The following COL12A1 variants were observed in gnomAD, a reference collection of about 807,000 sequenced individuals.
COL12A1 encodes collagen type XII alpha 1 chain, also known as collagen alpha-1(XII) chain.
Under a neutral mutation model 349.7 loss-of-function variants are expected in COL12A1, and 114 were observed. The observed-to-expected ratio is 0.33, with a 90% CI of 0.28 to 0.38. The LOEUF (loss-of-function observed/expected upper bound fraction) is 0.38, where lower values mean the gene tolerates loss of function less well. Among genes scored for constraint, COL12A1 ranks in the 10% least tolerant of loss-of-function variants. COL12A1 has a pLI of 1.00. For missense variants in COL12A1, 3,284 were observed against 3,756.9 expected, an observed-to-expected ratio of 0.87 and a Z score of 3.29; for synonymous variants, 1,369 against 1,329.0, an observed-to-expected ratio of 1.03 and a Z score of -0.66.
At chr6:75,088,739 A>G (rs546320022) in intron 64 of COL12A1, among the ~76,000 whole-genome samples, 58 of 152,098 alleles carry the variant, frequency 3.8e-4, no homozygotes, top group African/African-American at 1.2e-3. Flanking sequence ...GCGGTGGCTC[A>G]CTTCTGTAAT....
chr6:75,151,157 G>C lies in COL12A1; in HGVS notation c.4131C>G (p.Asn1377Lys), dbSNP rs757142035. Reference protein sequence around the residue: ...IVDDLTINLCNSVKGPGDLEA... With the variant: ...IVDDLTINLCKSVKGPGDLEA... ...TAAACTTACCTGGACCTTTGACACT[G>C]TTACACAAATTAATGGTGAGATCAT... Residue 1377 changes from asparagine to lysine, a missense_variant, in exon 21 of 66, where the codon AAC becomes AAG. Transcript: ENST00000322507. 2 of 1,595,298 alleles carry C rather than the reference G, an allele frequency of 1.3e-6. No homozygotes were observed. The highest frequency in any genetic ancestry group is 1.4e-5 in the African/African-American group (1 of 72,820).
At chr6:75,151,057 T>TGGGG in intron 21 of COL12A1, 84 bp downstream of exon 21, 1 of 426,060 alleles carries the variant, frequency 2.3e-6, no homozygotes, top group Non-Finnish European at 4.5e-6. Context: ...CACAAAATAG[T>TGGGG]GCCCTCCCCC....
At chr6:75,138,019 G>A (rs538104837) in intron 30 of COL12A1, among the ~76,000 whole-genome samples, 2 of 152,058 alleles carry the variant, frequency 1.3e-5, no homozygotes, top group South Asian at 2.1e-4. Flanking sequence ...ACCCAGAAAC[G>A]AATTGAATAG....
Position 75,156,433 on chromosome 6 carries a change from T to C in COL12A1, c.3074A>G (p.Asn1025Ser), listed in dbSNP as rs1767770461. ...ATGAGGGCGATAGACAACACGGTAG[T>C]TGACGACTTTCCCTGGTGCTGGTTT... ...TWKPAPGKVV[N>S]YRVVYRPHGR... The change falls in exon 15 of 66, where the codon AAC becomes AGC. Residue 1025 changes from asparagine (N) to serine (S), a missense_variant. Asn to Ser is a conservative substitution (Grantham distance 46, BLOSUM62 1). This residue lies in a region of COL12A1 where 2,601 missense variants were observed against 2,824.8 expected (regional missense o/e 0.92). Transcript: ENST00000322507. The C allele has an allele frequency of 6.2e-7, 1 of 1,613,888 alleles. No homozygotes were observed. The highest frequency in any genetic ancestry group is 1.3e-5 in the African/African-American group (1 of 74,940).
chr6:75,143,211 GA>G, intron 26 of COL12A1, 40 bp downstream of exon 26: 1 of 1,608,796 alleles, frequency 6.2e-7, no homozygotes, highest in Non-Finnish European at 8.5e-7. Flanking sequence ...AACCTACTAG[GA>G]AAACAAATAT....
chr6:75,161,532 C>T (rs1431364338), intron 14 of COL12A1, among the ~76,000 whole-genome samples: 2 of 151,734 alleles, frequency 1.3e-5, no homozygotes, highest in East Asian at 1.9e-4. Context: ...CAAAAGAGGC[C>T]TCCCACAGCC....
chr6:75,109,155 C>T lies in COL12A1; in HGVS notation c.7963G>A (p.Val2655Met). ...TAAATCTTAACACTTTTTGAGGTCA[C>T]TACAATATGAACCTAAAAAGATAAT... ...YGSFHKVHIV[V>M]TSKSVKIYID... Residue 2655 changes from valine to methionine, a missense_variant, in exon 52 of 66, where the codon GTG becomes ATG. Around this residue, in one of 2 missense-constraint regions of COL12A1, gnomAD observed 683 missense variants for 932.1 expected, o/e 0.73. Transcript: ENST00000322507. The T allele has an allele frequency of 1.3e-6, 2 of 1,575,618 alleles. No individual in the cohort carries two copies. The highest frequency in any genetic ancestry group is 8.6e-7 in the Non-Finnish European group (1 of 1,160,456).
intron 13 of COL12A1, among the ~76,000 whole-genome samples, chr6:75,171,226 A>G (rs1299751414): frequency 6.6e-6 from 1 of 152,206 alleles, no homozygotes; most frequent in African/African-American, 2.4e-5. Context: ...GAAAAAAACA[A>G]TGTAAATCAA....
intron 15 of COL12A1, 38 bp downstream of exon 15, chr6:75,156,219 C>T: frequency 7.2e-7 from 1 of 1,389,508 alleles, no homozygotes; most frequent in Non-Finnish European, 1.0e-6. Flanking sequence ...TAAAACATTA[C>T]CTTCTCTCCC....
chr6:75,134,445 C>T (rs564614297), intron 32 of COL12A1, among the ~76,000 whole-genome samples: 1 of 152,042 alleles, frequency 6.6e-6, no homozygotes, highest in Admixed American at 6.6e-5. Context: ...GTGGTGTGCA[C>T]CTGTAATCCC....
intron 11 of COL12A1, among the ~76,000 whole-genome samples, chr6:75,180,285 A>G (rs980359304): frequency 6.6e-6 from 1 of 152,214 alleles, no homozygotes; most frequent in Non-Finnish European, 1.5e-5. Flanking sequence ...ATTCCTCTCA[A>G]GTGAGGTAGT....
rs1046906809 is a variant in COL12A1, at chr6:75,119,200, C to T, written c.7211-14G>A. Reference sequence around the variant, plus strand: ...TGAGGGCCTTGCCTACAGAATGTGGCATGGAAAATTTTAGTGTCACTTCAG... The same window carrying T: ...TGAGGGCCTTGCCTACAGAATGTGGTATGGAAAATTTTAGTGTCACTTCAG... On this transcript the variant is annotated splice_polypyrimidine_tract_variant and intron_variant, in intron 45 of 65. Transcript: ENST00000322507. 6.2e-7 allele frequency: 1 copy of T among 1,613,622 alleles called. No individual in the cohort carries two copies. Among genetic ancestry groups the T allele is most frequent in the African/African-American group, 1.3e-5 (1 of 74,874 alleles).
chr6:75,161,226 C>A (rs1460573147), intron 14 of COL12A1, among the ~76,000 whole-genome samples: 1 of 152,044 alleles, frequency 6.6e-6, no homozygotes, highest in Non-Finnish European at 1.5e-5. Context: ...CAGATGGTGA[C>A]CCCCACCAGG....
At chr6:75,133,831 G>A in intron 33 of COL12A1, 27 bp downstream of exon 33, 1 of 1,612,864 alleles carries the variant, frequency 6.2e-7, no homozygotes, top group Non-Finnish European at 8.5e-7. Flanking sequence ...AAACAAACTA[G>A]CATTTTTTAC....
rs2149467566 is a variant in COL12A1 at position 75,184,118 on chromosome 6, C to T, written c.1024G>A (p.Ala342Thr). Residue 342 changes from alanine (A) to threonine (T), a missense_variant, in exon 9 of 66, where the codon GCC becomes ACC. By Grantham distance (58) the Ala-to-Thr change is moderately conservative. Coordinates refer to ENST00000322507, the MANE Select transcript of COL12A1 (RefSeq NM_004370.6). ...EVVEPPSNLI[A>T]MEVSSKYVKL... is the part of the protein sequence containing the mutation. ...ACATATTTTGAAGAGACTTCCATGG[C>T]AATCAAATTTGAAGGAGGCTCAACA... The T allele has an allele frequency of 1.2e-6, 2 of 1,613,768 alleles. No individual in the cohort carries two copies. Among genetic ancestry groups the T allele is most frequent in the Non-Finnish European group, 1.7e-6 (2 of 1,179,812 alleles).
At chr6:75,147,643 G>C (rs1767266611) in intron 23 of COL12A1, 32 bp downstream of exon 23, 1 of 1,569,656 alleles carries the variant, frequency 6.4e-7, no homozygotes, top group South Asian at 1.2e-5. Flanking sequence ...GGAAAAGAAA[G>C]CAATGAGAAA....
At chr6:75,160,137 T>C (rs185142541) in intron 14 of COL12A1, among the ~76,000 whole-genome samples, 75 of 152,162 alleles carry the variant, frequency 4.9e-4, no homozygotes, top group African/African-American at 1.7e-3. Flanking sequence ...CCACATGCCA[T>C]TAAATGCTGT....
chr6:75,126,942 T>C (rs919976695), intron 38 of COL12A1, among the ~76,000 whole-genome samples: 3 of 152,080 alleles, frequency 2.0e-5, no homozygotes, highest in African/African-American at 7.2e-5. Flanking sequence ...TCCACCACCA[T>C]TACCTAGAAT....
chr6:75,146,327 A>C, intron 23 of COL12A1, 83 bp from the exon 24 acceptor site: 2 of 1,380,406 alleles, frequency 1.4e-6, no homozygotes, highest in South Asian at 1.6e-5. Context: ...TCAATTATTG[A>C]TATTTGTATA....
Sources: allele counts gnomAD v4.1 joint callset (sites outside exome capture counted in the v4.1 genomes callset), GRCh38; gene constraint gnomAD v4.1.1; regional missense constraint gnomAD v4.1.1; transcripts MANE v1.5; gene names NCBI Gene and HGNC (gene_info 2026-07-23, HGNC 2026-07-21).